The following CEP192 variants were observed in gnomAD, a reference collection of about 807,000 sequenced individuals.
CEP192 encodes the protein centrosomal protein 192.
A neutral mutation model predicts 271.8 loss-of-function variants in CEP192; 151 were observed. That is an observed-to-expected ratio of 0.56 (90% CI 0.49 to 0.64). The LOEUF (loss-of-function observed/expected upper bound fraction) is 0.64, where lower values mean the gene tolerates loss of function less well. Among genes scored for constraint, CEP192 ranks in the 30% least tolerant of loss-of-function variants. CEP192 has a pLI of 0.00. For missense variants in CEP192, 2,910 were observed against 3,020.5 expected (o/e 0.96, Z 0.86); for synonymous variants, 995 against 1,076.5 (o/e 0.92, Z 1.48).
intron 7 of CEP192, 145 bp from the exon 8 acceptor site, chr18:13,018,335 T>G: frequency 2.1e-6 from 1 of 481,126 alleles, no homozygotes; most frequent in Non-Finnish European, 3.6e-6. Context: ...TTGGAAATAT[T>G]GATTACTCTC....
intron 11 of CEP192, among the ~76,000 whole-genome samples, chr18:13,035,641 G>A (rs982304172): frequency 4.6e-5 from 7 of 152,124 alleles, no homozygotes; most frequent in African/African-American, 1.7e-4. Flanking sequence ...CTTTTGGGCC[G>A]AGTTTCCTAC....
intron 31 of CEP192, 49 bp downstream of exon 31, chr18:13,087,326 G>T: frequency 6.8e-7 from 1 of 1,469,414 alleles, no homozygotes; most frequent in Non-Finnish European, 9.3e-7. Flanking sequence ...TTTTAAAATT[G>T]TTAATAATTA....
At position 13,095,041 on chromosome 18, in the gene CEP192, G is replaced by A. The variant is rs566285980; in HGVS notation, c.6255-462G>A. ...CACCCCTGTCACCCCTATACTTTAC[G>A]TATTTTTTTAAAAGACAGGGTTTCA... is the stretch of plus-strand genomic sequence containing the variant. On this transcript the variant is annotated intron_variant, in intron 34 of 44. Coordinates refer to ENST00000506447, the MANE Select transcript of CEP192 (RefSeq NM_032142.4). Among the ~76,000 whole-genome samples, 24 of 152,198 alleles carry A rather than the reference G, an allele frequency of 1.6e-4. No individual in the cohort carries two copies. The East Asian group carries it at 1.7e-3, about 11-fold the overall frequency.
At chr18:13,079,151 C>A (rs908902737) in intron 30 of CEP192, among the ~76,000 whole-genome samples, 8 of 152,128 alleles carry the variant, frequency 5.3e-5, no homozygotes, top group African/African-American at 1.7e-4. Context: ...GGTATATACC[C>A]AGTAATGGGA....
chr18:13,038,237 A>ATT, intron 12 of CEP192, 133 bp from the exon 13 acceptor site: 33 of 569,338 alleles, frequency 5.8e-5, no homozygotes, highest in South Asian at 7.5e-5. Context: ...AGTTTGTCCA[A>ATT]TTTTTTTTTT....
At chr18:12,999,096 C>G (rs976819556) in intron 1 of CEP192, among the ~76,000 whole-genome samples, 10 of 152,094 alleles carry the variant, frequency 6.6e-5, no homozygotes, top group Admixed American at 1.3e-4. Context: ...GTTATGCCAT[C>G]TTTGCTTTCT....
chr18:13,074,789 G>C (rs1341728526), intron 30 of CEP192, among the ~76,000 whole-genome samples: 1 of 152,156 alleles, frequency 6.6e-6, no homozygotes, highest in African/African-American at 2.4e-5. Context: ...GCAGAGTGGC[G>C]GAAGAGCTGT....
At chr18:13,114,819 A>G (rs563799514) in intron 42 of CEP192, among the ~76,000 whole-genome samples, 1 of 152,328 alleles carries the variant, frequency 6.6e-6, no homozygotes, top group South Asian at 2.1e-4. Flanking sequence ...AAACTGCCAA[A>G]TAGTTTTCCC....
At chr18:13,084,892 C>A (rs905955046) in intron 30 of CEP192, among the ~76,000 whole-genome samples, 2 of 151,834 alleles carry the variant, frequency 1.3e-5, no homozygotes, top group Non-Finnish European at 2.9e-5. Context: ...CGGCTCACTG[C>A]AACCTCCGCC....
chr18:13,055,724 ATTTGT>A, intron 18 of CEP192, 51 bp from the exon 19 acceptor site: 1 of 1,213,192 alleles, frequency 8.2e-7, no homozygotes, highest in Non-Finnish European at 1.1e-6. Context: ...GCATGTTTCA[ATTTGT>A]TATATTAAGT....
Position 13,113,693 on chromosome 18 carries a change from A to T in CEP192, c.7155A>T (p.Gln2385His). The T allele has an allele frequency of 6.2e-7, 1 of 1,611,536 alleles. No homozygotes were observed. The highest frequency in any genetic ancestry group is 8.5e-7 in the Non-Finnish European group (1 of 1,178,922). Residue 2385 changes from glutamine (Q) to histidine (H), a missense_variant, in exon 41 of 45, where the codon CAA becomes CAT. Physicochemically the swap from Gln to His is conservative, Grantham distance 24. Coordinates refer to ENST00000506447, the MANE Select transcript of CEP192 (RefSeq NM_032142.4). ...EPHMKHTLRFQLSGQSIEAEN... is the reference protein window; with the variant it reads ...EPHMKHTLRFHLSGQSIEAEN... Reference sequence around the variant, plus strand: ...ACATGAAACACACGTTGAGATTCCAACTCTCTGGACAAGTGAGTAGTACAC... The same window carrying T: ...ACATGAAACACACGTTGAGATTCCATCTCTCTGGACAAGTGAGTAGTACAC...
chr18:13,010,226 C>T (rs189891568), intron 4 of CEP192, among the ~76,000 whole-genome samples: 1 of 152,246 alleles, frequency 6.6e-6, no homozygotes, highest in Admixed American at 6.5e-5. Context: ...CTTAAGTACT[C>T]CACATTCACT....
rs116064067 is a variant in CEP192, at chr18:13,125,021, A to G, written c.*251A>G. On this transcript the variant is annotated 3_prime_UTR_variant, in exon 45 of 45. Transcript: ENST00000506447. ...ATTGATTATGATATTCTGAATAAAT[A>G]TGGAATATATTTTAATGTGGTATAT... 5.9e-3 allele frequency: 1,661 copies of G among 281,508 alleles called. 25 individuals are homozygous for G. The highest frequency in any genetic ancestry group is 0.033 in the African/African-American group (1,558 of 46,632). 17.4% of individuals were successfully genotyped at this position (281,508 alleles called of 1,614,324 possible).
At position 13,087,118 on chromosome 18, in the gene CEP192, C is replaced by G. The variant is rs2038931711; in HGVS notation, c.5718C>G (p.Gly1906=). 1 of 1,613,848 alleles carries G rather than the reference C, an allele frequency of 6.2e-7. No individual in the cohort carries two copies. Among genetic ancestry groups the G allele is most frequent in the African/African-American group, 1.3e-5 (1 of 74,906 alleles). ...YMVTVNGLVP[G]KESKIVFSVR... ...TAACAGTGAATGGCTTAGTACCTGG[C>G]AAAGAAAGTAAAATTGTTTTTTCTG... is the stretch of plus-strand genomic sequence containing the variant. Residue 1906 remains glycine, a synonymous_variant, in exon 31 of 45, where the codon GGC becomes GGG. Transcript: ENST00000506447.
At chr18:13,096,726 G>C (rs1056882746) in intron 36 of CEP192, among the ~76,000 whole-genome samples, 8 of 152,152 alleles carry the variant, frequency 5.3e-5, no homozygotes, top group African/African-American at 1.9e-4. Context: ...TGTTCTGCTG[G>C]CTTTTTCTGA....
At chr18:12,992,942 T>G (rs1448092132) in intron 1 of CEP192, among the ~76,000 whole-genome samples, 1 of 152,230 alleles carries the variant, frequency 6.6e-6, no homozygotes, top group Non-Finnish European at 1.5e-5. Flanking sequence ...CCCTTCTAAA[T>G]AGGGACAACT....
chr18:13,002,703 C>A (rs1223183180), intron 3 of CEP192, among the ~76,000 whole-genome samples: 1 of 152,020 alleles, frequency 6.6e-6, no homozygotes, highest in Non-Finnish European at 1.5e-5. Flanking sequence ...TTATATAATA[C>A]ATATGTATAT....
chr18:13,099,015 C>T (rs1261813895), intron 36 of CEP192, among the ~76,000 whole-genome samples: 1 of 151,974 alleles, frequency 6.6e-6, no homozygotes, highest in Non-Finnish European at 1.5e-5. Flanking sequence ...CCGTCTCCAC[C>T]AAAAAAATAC....
chr18:13,109,770 A>G (rs931890157), intron 40 of CEP192, among the ~76,000 whole-genome samples: 12 of 152,234 alleles, frequency 7.9e-5, no homozygotes, highest in African/African-American at 2.9e-4. Context: ...GCTTTTTTGG[A>G]AAAAATAATA....
Sources: gnomAD v4.1 joint callset for allele counts (sites outside exome capture counted in the v4.1 genomes callset) on GRCh38, gnomAD v4.1.1 for gene constraint, MANE v1.5 for transcripts, NCBI Gene and HGNC (gene_info 2026-07-23, HGNC 2026-07-21) for gene names.